TPR: variants seen among roughly 807,000 people sequenced by gnomAD.
The protein encoded by TPR is nucleoprotein TPR.
Under a neutral mutation model 316.1 loss-of-function variants are expected in TPR, and 51 were observed. That is an observed-to-expected ratio of 0.16 (90% CI 0.13 to 0.20). TPR has a LOEUF of 0.20. Among genes scored for constraint, TPR ranks in the 10% least tolerant of loss-of-function variants. TPR has a pLI of 1.00. For synonymous variants in TPR, 981 were observed against 914.7 expected (o/e 1.07, Z -1.31); for missense variants, 2,272 against 2,754.8 (o/e 0.82, Z 3.92).
chr1:186,360,739 C>A, intron 10 of TPR, 26 bp downstream of exon 10: 1 of 1,611,148 alleles, frequency 6.2e-7, no homozygotes, highest in South Asian at 1.1e-5. Context: ...TATTTCAACT[C>A]ACTAACAAGC....
chr1:186,357,719 A>G (rs563092958), intron 13 of TPR, 96 bp from the exon 14 acceptor site: 1 of 1,028,380 alleles, frequency 9.7e-7, no homozygotes, highest in South Asian at 1.7e-5. Flanking sequence ...TTACTTATAA[A>G]ACCTTCAACT....
intron 49 of TPR, among the ~76,000 whole-genome samples, chr1:186,315,243 C>CA (rs941622934): frequency 3.2e-4 from 47 of 148,626 alleles, no homozygotes; most frequent in East Asian, 9.9e-4. Context: ...AAAAAAACAC[C>CA]AAAAAAAAAC....
chr1:186,336,165 A>G (rs1297712682), intron 33 of TPR, among the ~76,000 whole-genome samples: 3 of 152,152 alleles, frequency 2.0e-5, no homozygotes, highest in African/African-American at 7.2e-5. Flanking sequence ...TATGCAGTCT[A>G]CATAAGGTTT....
At chr1:186,320,751 A>G (rs1657752993) in intron 45 of TPR, among the ~76,000 whole-genome samples, 1 of 152,200 alleles carries the variant, frequency 6.6e-6, no homozygotes, top group African/African-American at 2.4e-5. Flanking sequence ...AAACATAACA[A>G]AAAGAGTTGT....
At chr1:186,329,530 C>G (rs867275020) in intron 39 of TPR, among the ~76,000 whole-genome samples, 21 of 152,264 alleles carry the variant, frequency 1.4e-4, no homozygotes, top group African/African-American at 4.8e-4. Context: ...GTTAATCTGA[C>G]ACAATATTTT....
chr1:186,338,704 G>C (rs549679760), intron 30 of TPR, among the ~76,000 whole-genome samples: 1 of 152,226 alleles, frequency 6.6e-6, no homozygotes, highest in Admixed American at 6.5e-5. Context: ...TTAGCTTATA[G>C]GCTGTACAAA....
At chr1:186,318,206 G>A (rs1196786101) in intron 48 of TPR, among the ~76,000 whole-genome samples, 4 of 152,032 alleles carry the variant, frequency 2.6e-5, no homozygotes, top group African/African-American at 9.7e-5. Context: ...GCGGGTGCCT[G>A]TAATCCCAGC....
intron 2 of TPR, among the ~76,000 whole-genome samples, chr1:186,372,517 G>A (rs1433927627): frequency 1.3e-5 from 2 of 151,928 alleles, no homozygotes; most frequent in East Asian, 3.9e-4. Flanking sequence ...ATTCCAGCCT[G>A]GGCAACACAG....
At chr1:186,321,987 C>T (rs1212602640) in intron 45 of TPR, among the ~76,000 whole-genome samples, 1 of 152,182 alleles carries the variant, frequency 6.6e-6, no homozygotes, top group Non-Finnish European at 1.5e-5. Context: ...AATGAAGGTG[C>T]TCATGAACAG....
chr1:186,355,811 A>C (rs752766268), intron 15 of TPR, 43 bp from the exon 16 acceptor site: 2 of 1,604,170 alleles, frequency 1.2e-6, no homozygotes, highest in Non-Finnish European at 1.7e-6. Context: ...GTTGGCTTTC[A>C]TAAATCAGCT....
At chr1:186,368,718 C>T (rs1659416346) in intron 3 of TPR, among the ~76,000 whole-genome samples, 1 of 152,180 alleles carries the variant, frequency 6.6e-6, no homozygotes, top group African/African-American at 2.4e-5. Context: ...TGTAGGTTGC[C>T]TTTTAATATT....
rs1172618732 is a variant in TPR, at chr1:186,373,389, G to C, written c.226C>G (p.Gln76Glu). 1.2e-6 allele frequency: 2 copies of C among 1,613,334 alleles called. No homozygotes were observed. The highest frequency in any genetic ancestry group is 8.5e-7 in the Non-Finnish European group (1 of 1,179,606). ...TTCTCTAGCTCAAGCCGCAAGCTTTGACACTCTCGGGTTTCATTCACAAGT... is the reference window on the plus strand; with the variant it reads ...TTCTCTAGCTCAAGCCGCAAGCTTTCACACTCTCGGGTTTCATTCACAAGT... ...ERLVNETREC[Q>E]SLRLELEKLN... Residue 76 changes from glutamine (Q) to glutamate (E), a missense_variant, in exon 2 of 51, where the codon CAA (glutamine) becomes GAA (glutamate). This residue lies in a region of TPR where 549 missense variants were observed against 598.6 expected (regional missense o/e 0.92). Transcript: ENST00000367478.
intron 31 of TPR, among the ~76,000 whole-genome samples, chr1:186,337,758 T>C (rs1013648987): frequency 6.6e-6 from 1 of 152,044 alleles, no homozygotes; most frequent in Admixed American, 6.6e-5. Context: ...CATTTTTTAA[T>C]ATACACAATT....
chr1:186,344,547 T>C lies in TPR; in HGVS notation c.3245A>G (p.Tyr1082Cys). 6.3e-7 allele frequency: 1 copy of C among 1,590,462 alleles called. No homozygotes were observed. The highest frequency in any genetic ancestry group is 8.6e-7 in the Non-Finnish European group (1 of 1,169,176). ...AGCATGCAGCATCAATTCTCTCTCA[T>C]ACTTATTCTGAGCTTCCACAGCTAT... ...AKIAVEAQNK[Y>C]ERELMLHAAD... The change falls in exon 25 of 51, where the codon TAT (tyrosine) becomes TGT (cysteine). Residue 1082 changes from tyrosine (Y) to cysteine (C), a missense_variant. Around this residue, in one of 10 missense-constraint regions of TPR, gnomAD observed 757 missense variants for 859.8 expected, o/e 0.88. Coordinates refer to ENST00000367478, the MANE Select transcript of TPR (RefSeq NM_003292.3).
Position 186,322,589 on chromosome 1 carries a change from G to A in TPR, c.6298-3C>T. On this transcript the variant is annotated splice_polypyrimidine_tract_variant and splice_region_variant and intron_variant, in intron 43 of 50. Coordinates refer to ENST00000367478, the MANE Select transcript of TPR (RefSeq NM_003292.3). ...TGCCTTCGGGTCATCTGAATTCTCTGCGTGTCAAGATAAAGGAATTACATT... is the reference window on the plus strand; with the variant it reads ...TGCCTTCGGGTCATCTGAATTCTCTACGTGTCAAGATAAAGGAATTACATT... 6.2e-7 allele frequency: 1 copy of A among 1,613,956 alleles called. No individual in the cohort carries two copies. The highest frequency in any genetic ancestry group is 8.5e-7 in the Non-Finnish European group (1 of 1,179,902).
chr1:186,366,614 A>G (rs1424779309), intron 4 of TPR, among the ~76,000 whole-genome samples: 2 of 152,222 alleles, frequency 1.3e-5, no homozygotes, highest in African/African-American at 4.8e-5. Context: ...ATAGTTAATT[A>G]CAAATTCAAT....
chr1:186,360,666 T>C (rs1659158780), intron 10 of TPR, 99 bp downstream of exon 10: 13 of 1,486,062 alleles, frequency 8.7e-6, no homozygotes, highest in Non-Finnish European at 1.2e-5. Flanking sequence ...GTTTCCTACA[T>C]CACAGCATGA....
chr1:186,336,933 CAA>C, intron 32 of TPR, 78 bp downstream of exon 32: 2 of 1,580,846 alleles, frequency 1.3e-6, no homozygotes, highest in East Asian at 2.2e-5. Context: ...CATGGTAAGA[CAA>C]AGTGTCAGTA....
chr1:186,339,136 C>T (rs895307125), intron 30 of TPR, among the ~76,000 whole-genome samples: 1 of 152,018 alleles, frequency 6.6e-6, no homozygotes, highest in African/African-American at 2.4e-5. Context: ...ATTAGACTTA[C>T]AAGCTTCCCT....
Sources: gnomAD v4.1 joint callset for allele counts (sites outside exome capture counted in the v4.1 genomes callset) on GRCh38, gnomAD v4.1.1 for gene constraint, gnomAD v4.1.1 regional missense constraint, MANE v1.5 for transcripts, NCBI Gene and HGNC (gene_info 2026-07-23, HGNC 2026-07-21) for gene names.